The following TENM4 variants were observed in gnomAD, a reference collection of about 807,000 sequenced individuals.
The protein encoded by TENM4 is teneurin-4.
TENM4 carries 82 observed loss-of-function variants against 243.3 expected under a neutral mutation model. The ratio of observed to expected loss-of-function variants is 0.34; its 90% CI spans 0.28 to 0.40. The LOEUF (loss-of-function observed/expected upper bound fraction) is 0.40, where lower values mean the gene tolerates loss of function less well. Among genes scored for constraint, TENM4 ranks in the 10% least tolerant of loss-of-function variants. The probability of loss-of-function intolerance (pLI) is 1.00; values close to 1 mark genes in which losing one functional copy is unlikely to be tolerated. For missense variants in TENM4, 3,138 were observed against 3,673.3 expected (o/e 0.85, Z 3.77); for synonymous variants, 1,412 against 1,456.3 (o/e 0.97, Z 0.69).
intron 7 of TENM4, among the ~76,000 whole-genome samples, chr11:78,895,315 C>A (rs910006227): frequency 1.4e-5 from 2 of 147,006 alleles, no homozygotes; most frequent in Admixed American, 6.9e-5. Context: ...CCAGCCTGGG[C>A]GACAGAGTGA....
At chr11:78,951,343 G>GATGA (rs909492501) in intron 6 of TENM4, among the ~76,000 whole-genome samples, 6 of 152,316 alleles carry the variant, frequency 3.9e-5, no homozygotes, top group African/African-American at 1.4e-4. Flanking sequence ...TGAATGGACA[G>GATGA]ATGAATGAAT....
At chr11:79,183,593 A>C (rs1863326248) in intron 3 of TENM4, among the ~76,000 whole-genome samples, 1 of 152,184 alleles carries the variant, frequency 6.6e-6, no homozygotes, top group South Asian at 2.1e-4. Context: ...GTGGTAACAA[A>C]TGTACCACTC....
intron 1 of TENM4, among the ~76,000 whole-genome samples, chr11:79,380,009 C>T (rs373626750): frequency 5.1e-4 from 78 of 152,184 alleles, no homozygotes; most frequent in Middle Eastern, 3.4e-3. Flanking sequence ...TCTGTCTCCA[C>T]GGGGCAGTCA....
At chr11:79,064,224 C>T (rs1860179179) in intron 6 of TENM4, among the ~76,000 whole-genome samples, 1 of 152,182 alleles carries the variant, frequency 6.6e-6, no homozygotes, top group Non-Finnish European at 1.5e-5. Context: ...ACGCTGTACC[C>T]TTTGACAACA....
chr11:79,385,176 T>C (rs1565324592), intron 1 of TENM4, among the ~76,000 whole-genome samples: 1 of 152,118 alleles, frequency 6.6e-6, no homozygotes, highest in Non-Finnish European at 1.5e-5. Context: ...TATAAACACC[T>C]AAAGGGCTTT....
chr11:79,230,801 T>G (rs965336845), intron 2 of TENM4, among the ~76,000 whole-genome samples: 4 of 152,172 alleles, frequency 2.6e-5, no homozygotes, highest in African/African-American at 9.7e-5. Flanking sequence ...CAGGTAGAGT[T>G]TTAAAGGCAA....
intron 1 of TENM4, among the ~76,000 whole-genome samples, chr11:79,392,415 A>G (rs1858253844): frequency 6.6e-6 from 1 of 152,246 alleles, no homozygotes; most frequent in Non-Finnish European, 1.5e-5. Flanking sequence ...TTGAAGTGAC[A>G]GGTTACATTA....
chr11:79,120,007 G>T (rs888810746), intron 4 of TENM4, among the ~76,000 whole-genome samples: 2 of 152,128 alleles, frequency 1.3e-5, no homozygotes, highest in Admixed American at 1.3e-4. Flanking sequence ...CAACTGTCTG[G>T]GTCCCCTCCC....
intron 25 of TENM4, among the ~76,000 whole-genome samples, chr11:78,719,304 T>C (rs1447416857): frequency 2.0e-5 from 3 of 152,170 alleles, no homozygotes; most frequent in Non-Finnish European, 4.4e-5. Context: ...GGTTTGGCGA[T>C]AGAACGCTAT....
intron 1 of TENM4, among the ~76,000 whole-genome samples, chr11:79,430,187 C>CG (rs1859136636): frequency 8.5e-6 from 1 of 117,282 alleles, no homozygotes; most frequent in African/African-American, 3.5e-5. Flanking sequence ...ATTCAACCTG[C>CG]GAAAAAAAAA....
intron 14 of TENM4, among the ~76,000 whole-genome samples, chr11:78,811,388 C>A (rs1857496583): frequency 6.6e-6 from 1 of 152,190 alleles, no homozygotes; most frequent in African/African-American, 2.4e-5. Flanking sequence ...CTTCCCTGGG[C>A]CTCAGTTTCT....
chr11:78,738,482 A>G lies in TENM4; in HGVS notation c.2845T>C (p.Phe949Leu). The change falls in exon 20 of 34, where the codon TTT becomes CTT. Residue 949 changes from phenylalanine to leucine, a missense_variant. By Grantham distance (22) the Phe-to-Leu change is conservative. Transcript: ENST00000278550. ...VNISFVNNPL[F>L]GYTISRQDGS... The stretch of plus-strand genomic sequence containing the variant: ...TCTTGCCTGCTGATTGTATATCCAA[A>G]GAGAGGGTTATTGACAAAACTGATG... 1 of 1,613,914 alleles carries G rather than the reference A, an allele frequency of 6.2e-7. No homozygotes were observed. Among genetic ancestry groups the G allele is most frequent in the Non-Finnish European group, 8.5e-7 (1 of 1,179,846 alleles).
chr11:78,671,755 G>A (rs572742770), intron 31 of TENM4, among the ~76,000 whole-genome samples: 7 of 152,272 alleles, frequency 4.6e-5, no homozygotes, highest in East Asian at 1.9e-4. Context: ...TCTGAACCCC[G>A]AGTCCTGCTC....
intron 4 of TENM4, among the ~76,000 whole-genome samples, chr11:79,118,164 A>G (rs1426590798): frequency 6.6e-6 from 1 of 152,194 alleles, no homozygotes. Flanking sequence ...GAGACCACAC[A>G]TTTAGGAAGT....
Position 79,347,678 on chromosome 11 carries a change from C to T in TENM4, c.-320-50135G>A, listed in dbSNP as rs970520946. Reference sequence around the variant, plus strand: ...CATAGGGACCTATGCTTCCTTCAGCCTCCATTTCCCTGTCTATAAAAACAG... The same window carrying T: ...CATAGGGACCTATGCTTCCTTCAGCTTCCATTTCCCTGTCTATAAAAACAG... On this transcript the variant is annotated intron_variant, in intron 1 of 33. Transcript: ENST00000278550. Among the ~76,000 whole-genome samples the T allele has an allele frequency of 1.1e-4, 17 of 152,114 alleles. No individual in the cohort carries two copies. The East Asian group carries it at 2.9e-3, about 26-fold the overall frequency.
At chr11:78,844,846 C>A (rs1168786656) in intron 12 of TENM4, among the ~76,000 whole-genome samples, 1 of 152,140 alleles carries the variant, frequency 6.6e-6, no homozygotes, top group Admixed American at 6.5e-5. Flanking sequence ...TATTTTAAAC[C>A]ACTCAGTTTG....
At chr11:78,752,728 C>G (rs1219788571) in intron 19 of TENM4, among the ~76,000 whole-genome samples, 1 of 152,146 alleles carries the variant, frequency 6.6e-6, no homozygotes, top group Non-Finnish European at 1.5e-5. Context: ...TCCACTCTAA[C>G]AAGGATCCCA....
At chr11:79,148,264 G>C (rs1395379437) in intron 4 of TENM4, among the ~76,000 whole-genome samples, 1 of 152,096 alleles carries the variant, frequency 6.6e-6, no homozygotes, top group Non-Finnish European at 1.5e-5. Flanking sequence ...ACCTATTTTA[G>C]GATGTCTAGT....
intron 1 of TENM4, among the ~76,000 whole-genome samples, chr11:79,395,283 A>C (rs1394887606): frequency 6.6e-6 from 1 of 152,188 alleles, no homozygotes; most frequent in Non-Finnish European, 1.5e-5. Context: ...TGATCTGTAT[A>C]GGTACCAACC....
Sources: allele counts gnomAD v4.1 joint callset (sites outside exome capture counted in the v4.1 genomes callset), GRCh38; gene constraint gnomAD v4.1.1; transcripts MANE v1.5; gene names NCBI Gene and HGNC (gene_info 2026-07-23, HGNC 2026-07-21).